LRMDA: variants seen among roughly 807,000 people sequenced by gnomAD.
LRMDA encodes the protein leucine rich melanocyte differentiation associated.
A neutral mutation model predicts 29.8 loss-of-function variants in LRMDA; 18 were observed. That is an observed-to-expected ratio of 0.60 (90% CI 0.42 to 0.90). The LOEUF is 0.90. Ranked by LOEUF, LRMDA falls within the 40% of genes least tolerant of loss-of-function variation. LRMDA has a pLI of 0.00. For synonymous variants in LRMDA, 125 were observed against 109.4 expected, an observed-to-expected ratio of 1.14 and a Z score of -0.89; for missense variants, 273 against 273.9, an observed-to-expected ratio of 1.00 and a Z score of 0.02.
chr10:75,903,576 T>C (rs188697768), intron 2 of LRMDA, among the ~76,000 whole-genome samples: 1 of 152,326 alleles, frequency 6.6e-6, no homozygotes, highest in East Asian at 1.9e-4. Context: ...TCATTATTAA[T>C]AACAACAACA....
chr10:76,370,044 G>T (rs531976501), intron 6 of LRMDA, among the ~76,000 whole-genome samples: 1 of 151,994 alleles, frequency 6.6e-6, no homozygotes, highest in Non-Finnish European at 1.5e-5. Flanking sequence ...CAATAATGAG[G>T]TCCCATAAAA....
chr10:75,757,160 T>C (rs1464674352), intron 2 of LRMDA, among the ~76,000 whole-genome samples: 2 of 152,214 alleles, frequency 1.3e-5, no homozygotes, highest in African/African-American at 4.8e-5. Flanking sequence ...TTTCCAGGGC[T>C]TAGCACAATA....
chr10:75,913,933 TG>T (rs1198098361), intron 2 of LRMDA, among the ~76,000 whole-genome samples: 1 of 152,214 alleles, frequency 6.6e-6, no homozygotes, highest in Non-Finnish European at 1.5e-5. Context: ...TGCCCCGCCG[TG>T]GGGGTAAGTG....
At chr10:75,536,079 C>T (rs578047968) in intron 2 of LRMDA, among the ~76,000 whole-genome samples, 35 of 152,218 alleles carry the variant, frequency 2.3e-4, no homozygotes, top group Middle Eastern at 3.4e-3. Context: ...TCAGCCATGC[C>T]GCCGTCGCTC....
chr10:75,820,320 G>A (rs1156938830), intron 2 of LRMDA, among the ~76,000 whole-genome samples: 1 of 150,970 alleles, frequency 6.6e-6, no homozygotes, highest in African/African-American at 2.4e-5. Flanking sequence ...TCAGACTAGA[G>A]TGAAATAGAA....
intron 5 of LRMDA, among the ~76,000 whole-genome samples, chr10:76,091,815 A>G (rs1402503292): frequency 6.6e-6 from 1 of 152,116 alleles, no homozygotes; most frequent in Admixed American, 6.5e-5. Flanking sequence ...CCTCCTGAGT[A>G]GCTGGGACTA....
intron 2 of LRMDA, among the ~76,000 whole-genome samples, chr10:75,837,482 A>G (rs1439100797): frequency 6.6e-6 from 1 of 152,218 alleles, no homozygotes; most frequent in Non-Finnish European, 1.5e-5. Flanking sequence ...AGAATGGACA[A>G]AAAATGGTGC....
chr10:75,511,601 C>A (rs1226017184), intron 2 of LRMDA, among the ~76,000 whole-genome samples: 3 of 152,144 alleles, frequency 2.0e-5, no homozygotes, highest in Non-Finnish European at 2.9e-5. Context: ...TCCCCCACCC[C>A]AAGATGACAG....
chr10:76,316,747 C>A (rs1589424690), intron 5 of LRMDA, among the ~76,000 whole-genome samples: 2 of 152,308 alleles, frequency 1.3e-5, no homozygotes, highest in East Asian at 3.9e-4. Flanking sequence ...TGATTATGTT[C>A]TATGTTTGAA....
chr10:75,907,526 A>G (rs957935435), intron 2 of LRMDA, among the ~76,000 whole-genome samples: 6 of 152,234 alleles, frequency 3.9e-5, no homozygotes, highest in African/African-American at 7.2e-5. Context: ...GGCCGCATCA[A>G]TCATACCTTC....
intron 2 of LRMDA, among the ~76,000 whole-genome samples, chr10:75,512,640 A>T (rs1433818069): frequency 6.6e-6 from 1 of 152,120 alleles, no homozygotes; most frequent in Non-Finnish European, 1.5e-5. Context: ...AAGGGGCAGA[A>T]CTGGTTTGGG....
intron 5 of LRMDA, among the ~76,000 whole-genome samples, chr10:76,254,413 G>A (rs2860405): frequency 3.4e-5 from 5 of 144,978 alleles, no homozygotes; most frequent in African/African-American, 7.8e-5. Context: ...GCTATGCTAT[G>A]CTATACTATA....
chr10:75,588,397 A>G (rs1840681554), intron 2 of LRMDA, among the ~76,000 whole-genome samples: 1 of 152,230 alleles, frequency 6.6e-6, no homozygotes, highest in African/African-American at 2.4e-5. Context: ...TTTTGTCAAA[A>G]GCATGCTGGG....
intron 2 of LRMDA, among the ~76,000 whole-genome samples, chr10:75,601,760 C>A (rs1199251781): frequency 6.6e-6 from 1 of 151,872 alleles, no homozygotes; most frequent in East Asian, 1.9e-4. Flanking sequence ...GTGTATTATC[C>A]CAATTATCTC....
Position 75,744,707 on chromosome 10 carries a change from G to A in LRMDA, c.132-291301G>A, listed in dbSNP as rs544228867. 5.9e-5 allele frequency among the ~76,000 whole-genome samples: 9 copies of A among 152,246 alleles called. No homozygotes were observed. The South Asian group carries it at 6.2e-4, about 11-fold the overall frequency. ...AGATCTGCCAATTTGTAGTTCGGTC[G>A]TCTTTCTGTTATGCTAGATGTTCAC... On this transcript the variant is annotated intron_variant, in intron 2 of 6. Coordinates refer to ENST00000611255, the MANE Select transcript of LRMDA (RefSeq NM_001305581.2).
intron 2 of LRMDA, among the ~76,000 whole-genome samples, chr10:75,868,179 A>G (rs1183401298): frequency 6.6e-6 from 1 of 151,986 alleles, no homozygotes; most frequent in Non-Finnish European, 1.5e-5. Flanking sequence ...TGGTAGGAGG[A>G]TGAGGACACC....
intron 5 of LRMDA, among the ~76,000 whole-genome samples, chr10:76,293,929 A>T (rs545636048): frequency 6.6e-6 from 1 of 152,276 alleles, no homozygotes; most frequent in African/African-American, 2.4e-5. Flanking sequence ...CATATTCTCC[A>T]TTATTGGATT....
chr10:76,333,212 T>C (rs1005723713), intron 6 of LRMDA, among the ~76,000 whole-genome samples: 30 of 152,192 alleles, frequency 2.0e-4, no homozygotes, highest in Non-Finnish European at 8.8e-5. Context: ...TAAGGTTCCT[T>C]ATGTAGGATA....
intron 6 of LRMDA, among the ~76,000 whole-genome samples, chr10:76,475,326 G>A (rs866717148): frequency 2.0e-5 from 3 of 151,738 alleles, no homozygotes; most frequent in South Asian, 2.1e-4. Flanking sequence ...TAAATTTTAC[G>A]CTATGTTTAT....
Sources: gnomAD v4.1 joint callset for allele counts (sites outside exome capture counted in the v4.1 genomes callset) on GRCh38, gnomAD v4.1.1 for gene constraint, MANE v1.5 for transcripts, NCBI Gene and HGNC (gene_info 2026-07-23, HGNC 2026-07-21) for gene names.